CADM2: variants seen among roughly 807,000 people sequenced by gnomAD.
CADM2 encodes the protein cell adhesion molecule 2.
In CADM2, 12 loss-of-function variants were observed where a neutral mutation model predicts 49.8. The ratio of observed to expected loss-of-function variants is 0.24; its 90% CI spans 0.15 to 0.39. The LOEUF (loss-of-function observed/expected upper bound fraction) is 0.39, where lower values mean the gene tolerates loss of function less well. CADM2 is among the 10% of genes least tolerant of loss of function. The pLI, the probability that CADM2 is intolerant of heterozygous loss-of-function variation, is 1.00. For missense variants in CADM2, 378 were observed against 492.3 expected (o/e 0.77, Z 2.20); for synonymous variants, 214 against 175.4 (o/e 1.22, Z -1.74).
chr3:85,810,507 T>C (rs2072788892), intron 3 of CADM2, among the ~76,000 whole-genome samples: 1 of 151,758 alleles, frequency 6.6e-6, no homozygotes, highest in African/African-American at 2.4e-5. Context: ...AATACATATG[T>C]TAAAGTATAT....
chr3:85,079,480 A>T (rs1344669853), intron 1 of CADM2, among the ~76,000 whole-genome samples: 4 of 151,874 alleles, frequency 2.6e-5, no homozygotes, highest in African/African-American at 9.7e-5. Context: ...TATTTTTCAT[A>T]GGGTTATTAA....
At chr3:84,990,367 G>A (rs1308303096) in intron 1 of CADM2, among the ~76,000 whole-genome samples, 1 of 151,402 alleles carries the variant, frequency 6.6e-6, no homozygotes, top group Non-Finnish European at 1.5e-5. Flanking sequence ...GCACTGTTTT[G>A]TTGAATTCTA....
At chr3:85,042,253 T>G (rs1022545717) in intron 1 of CADM2, among the ~76,000 whole-genome samples, 1 of 152,170 alleles carries the variant, frequency 6.6e-6, no homozygotes, top group African/African-American at 2.4e-5. Flanking sequence ...GAACAACAGC[T>G]TCAACCCAGC....
intron 1 of CADM2, among the ~76,000 whole-genome samples, chr3:85,348,008 C>T (rs1452183224): frequency 3.3e-5 from 5 of 152,008 alleles, no homozygotes; most frequent in Non-Finnish European, 7.4e-5. Flanking sequence ...AGGTTTTCGC[C>T]ATGATAACCA....
intron 1 of CADM2, among the ~76,000 whole-genome samples, chr3:85,080,561 C>G (rs1024988417): frequency 2.0e-5 from 3 of 151,980 alleles, no homozygotes; most frequent in Non-Finnish European, 4.4e-5. Context: ...TAATCTTAAT[C>G]TAATAGTACC....
chr3:85,385,857 G>C (rs185686975), intron 1 of CADM2: 5 of 131,988 alleles, frequency 3.8e-5, no homozygotes, highest in Admixed American at 2.6e-4. Context: ...GAACATTCTC[G>C]CTTTGACATA....
At chr3:85,131,548 T>G (rs564824788) in intron 1 of CADM2, among the ~76,000 whole-genome samples, 1 of 152,176 alleles carries the variant, frequency 6.6e-6, no homozygotes, top group Non-Finnish European at 1.5e-5. Flanking sequence ...AATGTTTTCA[T>G]GCATATTTCA....
chr3:85,802,219 GT>G, intron 3 of CADM2, 23 bp downstream of exon 3: 1 of 1,581,276 alleles, frequency 6.3e-7, no homozygotes, highest in Non-Finnish European at 8.6e-7. Flanking sequence ...TCTTTCAAAT[GT>G]TTTAATCGTA....
intron 8 of CADM2, among the ~76,000 whole-genome samples, chr3:86,036,013 C>T (rs761922391): frequency 2.0e-5 from 3 of 152,042 alleles, no homozygotes; most frequent in Non-Finnish European, 2.9e-5. Context: ...TAAATTCCAT[C>T]ATGGATGATC....
chr3:86,013,685 T>G (rs1731836048), intron 8 of CADM2: 1 of 1,601,870 alleles, frequency 6.2e-7, no homozygotes, highest in East Asian at 2.2e-5. Context: ...TGGTGGGGTT[T>G]GTTGATGAAT....
At chr3:85,549,907 C>T (rs1302043968) in intron 1 of CADM2, among the ~76,000 whole-genome samples, 1 of 151,566 alleles carries the variant, frequency 6.6e-6, no homozygotes, top group East Asian at 1.9e-4. Context: ...GCTGGGATTA[C>T]AGACATGACT....
Position 86,020,713 on chromosome 3 carries a change from A to G in CADM2, c.971-44892A>G, listed in dbSNP as rs530447672. On this transcript the variant is annotated intron_variant, in intron 8 of 9. Coordinates refer to ENST00000383699, the MANE Select transcript of CADM2 (RefSeq NM_001167675.2). Reference sequence around the variant, plus strand: ...CAAATCAATAAATGTAATCCAGCATATAAACAGAGCCAAAGACAAAAGCCA... The same window carrying G: ...CAAATCAATAAATGTAATCCAGCATGTAAACAGAGCCAAAGACAAAAGCCA... 2.0e-5 allele frequency among the ~76,000 whole-genome samples: 3 copies of G among 152,280 alleles called. No individual in the cohort carries two copies. In the East Asian group the frequency reaches 5.8e-4, roughly 29 times the overall value.
intron 1 of CADM2, among the ~76,000 whole-genome samples, chr3:85,139,423 C>G (rs1450425218): frequency 6.6e-6 from 1 of 151,962 alleles, no homozygotes; most frequent in Non-Finnish European, 1.5e-5. Flanking sequence ...TGTTCTTTTA[C>G]ATTAATCAAT....
intron 1 of CADM2, among the ~76,000 whole-genome samples, chr3:85,680,268 T>C (rs1266736669): frequency 6.6e-6 from 1 of 152,150 alleles, no homozygotes; most frequent in Non-Finnish European, 1.5e-5. Flanking sequence ...TATATTTGTA[T>C]CATTTTAATT....
At chr3:85,917,600 G>C (rs1158814231) in intron 6 of CADM2, among the ~76,000 whole-genome samples, 2 of 152,046 alleles carry the variant, frequency 1.3e-5, no homozygotes, top group African/African-American at 2.4e-5. Flanking sequence ...GTCAGGTAGC[G>C]TGATGCCTCC....
At chr3:84,977,966 A>G (rs1384472328) in intron 1 of CADM2, among the ~76,000 whole-genome samples, 2 of 152,130 alleles carry the variant, frequency 1.3e-5, no homozygotes, top group African/African-American at 4.8e-5. Context: ...GTTTAAAAAT[A>G]AAGACTTTTG....
chr3:85,598,558 A>G (rs2063308634), intron 1 of CADM2, among the ~76,000 whole-genome samples: 1 of 151,996 alleles, frequency 6.6e-6, no homozygotes, highest in African/African-American at 2.4e-5. Context: ...TGAAAAAAGA[A>G]CAGGAAGGTA....
intron 2 of CADM2, among the ~76,000 whole-genome samples, chr3:85,767,288 C>A (rs559090887): frequency 1.3e-5 from 2 of 152,184 alleles, no homozygotes; most frequent in South Asian, 4.1e-4. Flanking sequence ...CAGAAGGATA[C>A]TGCTCCCAAT....
chr3:85,238,693 C>T (rs1576187467), intron 1 of CADM2, among the ~76,000 whole-genome samples: 1 of 151,778 alleles, frequency 6.6e-6, no homozygotes, highest in South Asian at 2.1e-4. Flanking sequence ...ATACTTTGTT[C>T]AGGTAGGTCA....
Sources: gnomAD v4.1 joint callset for allele counts (sites outside exome capture counted in the v4.1 genomes callset) on GRCh38, gnomAD v4.1.1 for gene constraint, MANE v1.5 for transcripts, NCBI Gene and HGNC (gene_info 2026-07-23, HGNC 2026-07-21) for gene names.